The following PLXNC1 variants were observed in gnomAD, a reference collection of about 807,000 sequenced individuals.
PLXNC1 encodes plexin C1.
A neutral mutation model predicts 178.2 loss-of-function variants in PLXNC1; 75 were observed. The observed-to-expected ratio is 0.42, with a 90% CI of 0.35 to 0.51. The LOEUF (loss-of-function observed/expected upper bound fraction) is 0.51, where lower values mean the gene tolerates loss of function less well. Among genes scored for constraint, PLXNC1 ranks in the 20% least tolerant of loss-of-function variants. PLXNC1 has a pLI of 0.02. For synonymous variants in PLXNC1, 790 were observed against 779.9 expected, an observed-to-expected ratio of 1.01 and a Z score of -0.22; for missense variants, 1,503 against 1,984.4, an observed-to-expected ratio of 0.76 and a Z score of 4.61.
At chr12:94,259,494 C>G (rs1964938079) in intron 18 of PLXNC1, 116 bp from the exon 19 acceptor site, 6 of 1,161,046 alleles carry the variant, frequency 5.2e-6, no homozygotes, top group Non-Finnish European at 7.3e-6. Context: ...TTTTTTGGAT[C>G]ATGAATTCAA....
At position 94,305,303 on chromosome 12, in the gene PLXNC1, T is replaced by C. The variant is rs770384963; in HGVS notation, c.*18T>C. ...GGATGTAAGCACTCTGGGGCCTGGCTTAATCTGGCAAAGTTCTTCAGACGA... is the reference window on the plus strand; with the variant it reads ...GGATGTAAGCACTCTGGGGCCTGGCCTAATCTGGCAAAGTTCTTCAGACGA... On this transcript the variant is annotated 3_prime_UTR_variant, in exon 31 of 31. Transcript: ENST00000258526. 9 of 1,506,064 alleles carry C rather than the reference T, an allele frequency of 6.0e-6. No individual in the cohort carries two copies. In the East Asian group the frequency reaches 1.8e-4, roughly 31 times the overall value. 93.3% of individuals were successfully genotyped at this position (1,506,064 alleles called of 1,614,324 possible). A position where few individuals can be genotyped will look rare whatever the true frequency, so the allele number is the denominator to read the frequency against.
At chr12:94,184,556 G>A (rs1446835540) in intron 3 of PLXNC1, among the ~76,000 whole-genome samples, 3 of 151,940 alleles carry the variant, frequency 2.0e-5, no homozygotes, top group African/African-American at 7.3e-5. Context: ...CTGACTAGCT[G>A]GGATTACAGA....
In PLXNC1 at chr12:94,149,159, G is replaced by A. The variant is rs774122330; in HGVS notation, c.188G>A (p.Ser63Asn). 1.3e-6 allele frequency: 2 copies of A among 1,591,296 alleles called. No homozygotes were observed. Among genetic ancestry groups the A allele is most frequent in the East Asian group, 2.3e-5 (1 of 42,660 alleles). ...QEDGVFVASG[S>N]CLDQLDYSLE... Reference sequence around the variant, plus strand: ...GACGGCGTGTTTGTGGCGAGCGGCAGCTGCCTGGACCAGCTGGACTACAGC... The same window carrying A: ...GACGGCGTGTTTGTGGCGAGCGGCAACTGCCTGGACCAGCTGGACTACAGC... Residue 63 changes from serine to asparagine, a missense_variant, in exon 1 of 31, where the codon AGC becomes AAC. Ser to Asn is a conservative substitution (Grantham distance 46). This residue lies in a region of PLXNC1 where 176 missense variants were observed against 180.7 expected (regional missense o/e 0.97). Transcript: ENST00000258526.
chr12:94,259,398 T>G (rs1294859477), intron 18 of PLXNC1, 23 bp downstream of exon 18: 2 of 1,569,386 alleles, frequency 1.3e-6, no homozygotes, highest in Non-Finnish European at 1.7e-6. Flanking sequence ...GTTTTCATTT[T>G]TAGCCCAGTG....
rs1234986772 is a variant in PLXNC1, at chr12:94,149,334, G to T, written c.363G>T (p.Gly121=). 1 of 1,439,870 alleles carries T rather than the reference G, an allele frequency of 6.9e-7. No individual in the cohort carries two copies. Among genetic ancestry groups the T allele is most frequent in the South Asian group, 1.4e-5 (1 of 69,396 alleles). 89.2% of individuals were successfully genotyped at this position (1,439,870 alleles called of 1,614,324 possible). A position where few individuals can be genotyped will look rare whatever the true frequency, so the allele number is the denominator to read the frequency against. ...PYREGAAGLG[G]LLLTGWTFDR... ...GCGAGGGGGCGGCCGGCCTCGGGGGGCTGCTGCTCACCGGCTGGACCTTCG... is the reference window on the plus strand; with the variant it reads ...GCGAGGGGGCGGCCGGCCTCGGGGGTCTGCTGCTCACCGGCTGGACCTTCG... The change falls in exon 1 of 31, where the codon GGG becomes GGT. Residue 121 remains glycine, a synonymous_variant. Coordinates refer to ENST00000258526, the MANE Select transcript of PLXNC1 (RefSeq NM_005761.3).
At chr12:94,262,820 T>G in intron 20 of PLXNC1, 1 of 964,722 alleles carries the variant, frequency 1.0e-6, no homozygotes, top group Non-Finnish European at 1.2e-6. Context: ...ATACCATTTA[T>G]TGAATGTGCC....
In PLXNC1 at chr12:94,226,596, T is replaced by C; in HGVS notation, c.1791-9T>C. The C allele has an allele frequency of 6.3e-7, 1 of 1,599,612 alleles. No homozygotes were observed. Among genetic ancestry groups the C allele is most frequent in the Non-Finnish European group, 8.6e-7 (1 of 1,166,962 alleles). ...ACGCAGGAATTAAGTCAGTTTTCTG[T>C]GTTGCTAGATGCCCAGCATGCGTAG... On this transcript the variant is annotated splice_polypyrimidine_tract_variant and intron_variant, in intron 7 of 30. Coordinates refer to ENST00000258526, the MANE Select transcript of PLXNC1 (RefSeq NM_005761.3).
chr12:94,244,572 C>T (rs775485600), intron 12 of PLXNC1, among the ~76,000 whole-genome samples: 1 of 152,196 alleles, frequency 6.6e-6, no homozygotes, highest in South Asian at 2.1e-4. Flanking sequence ...GTCTGGTTTC[C>T]ACCTTTGCCC....
At chr12:94,293,047 T>G (rs1325021565) in intron 23 of PLXNC1, among the ~76,000 whole-genome samples, 1 of 152,226 alleles carries the variant, frequency 6.6e-6, no homozygotes, top group East Asian at 1.9e-4. Flanking sequence ...TTTGACTGTT[T>G]GGGCTTTTTC....
intron 24 of PLXNC1, among the ~76,000 whole-genome samples, chr12:94,295,080 G>A (rs1967766041): frequency 6.6e-6 from 1 of 152,174 alleles, no homozygotes; most frequent in Non-Finnish European, 1.5e-5. Flanking sequence ...GATAGCCCTG[G>A]GGCAGGAAAT....
intron 21 of PLXNC1, chr12:94,278,276 G>A (rs1592888327): frequency 2.9e-6 from 1 of 349,728 alleles, no homozygotes; most frequent in Non-Finnish European, 5.7e-6. Flanking sequence ...TTACCAAGGT[G>A]CATTAGAATC....
intron 9 of PLXNC1, among the ~76,000 whole-genome samples, chr12:94,233,403 A>G (rs1232366943): frequency 1.3e-5 from 2 of 152,178 alleles, no homozygotes; most frequent in Non-Finnish European, 1.5e-5. Flanking sequence ...AGTTTTGGTC[A>G]CCCAGTCCAG....
rs1302300048 is a variant in PLXNC1 at position 94,306,837 on chromosome 12, T to G, written c.*1552T>G. 6.6e-6 allele frequency: 1 copy of G among 152,194 alleles called. No individual in the cohort carries two copies. Among genetic ancestry groups the G allele is most frequent in the Non-Finnish European group, 1.5e-5 (1 of 68,034 alleles). 9.4% of individuals were successfully genotyped at this position (152,194 alleles called of 1,614,324 possible). On this transcript the variant is annotated 3_prime_UTR_variant, in exon 31 of 31. Transcript: ENST00000258526. ...AGCAGTTACTACCCTGATAGGCACC[T>G]TCCCAATCCTGTTGCTTTTGACCAT... is the stretch of plus-strand genomic sequence containing the variant.
rs1169779149 is a variant in PLXNC1, at chr12:94,148,989, G to C, written c.18G>C (p.Arg6Ser). ...CCAGCCCCATGGAGGTCTCCCGGAG[G>C]AAGGCGCCGCCGCGCCCCCCGCGCC... MEVSRRKAPPRPPRPA... is the reference protein window; with the variant it reads MEVSRSKAPPRPPRPA... The change falls in exon 1 of 31, where the codon AGG (arginine) becomes AGC (serine). Residue 6 changes from arginine (R) to serine (S), a missense_variant. By Grantham distance (110) the Arg-to-Ser change is moderately radical. Around this residue, in one of 4 missense-constraint regions of PLXNC1, gnomAD observed 176 missense variants for 180.7 expected, o/e 0.97. Coordinates refer to ENST00000258526, the MANE Select transcript of PLXNC1 (RefSeq NM_005761.3). This position sits in a 1 kb window ranked among gnomAD's most constrained non-coding sequence, Gnocchi z 4.8. 6.9e-7 allele frequency: 1 copy of C among 1,443,102 alleles called. No homozygotes were observed. Among genetic ancestry groups the C allele is most frequent in the Admixed American group, 2.6e-5 (1 of 38,458 alleles). 89.4% of individuals were successfully genotyped at this position (1,443,102 alleles called of 1,614,324 possible).
chr12:94,272,300 C>T (rs1965620396), intron 21 of PLXNC1: 1 of 152,260 alleles, frequency 6.6e-6, no homozygotes, highest in African/African-American at 2.4e-5. Context: ...AGAGCAGCTG[C>T]TCCTCTCTTG....
intron 4 of PLXNC1, among the ~76,000 whole-genome samples, chr12:94,187,189 AG>A (rs766973779): frequency 1.7e-4 from 15 of 88,130 alleles, no homozygotes; most frequent in East Asian, 3.6e-4. Flanking sequence ...AGAGAGAGAG[AG>A]AGAAAAAAAA....
At chr12:94,206,604 T>G (rs1190023316) in intron 4 of PLXNC1, among the ~76,000 whole-genome samples, 1 of 152,108 alleles carries the variant, frequency 6.6e-6, no homozygotes, top group Non-Finnish European at 1.5e-5. Context: ...GTATTAGCTC[T>G]AAGTGGAAAT....
intron 4 of PLXNC1, among the ~76,000 whole-genome samples, chr12:94,190,595 G>A (rs1400047473): frequency 1.3e-5 from 2 of 152,126 alleles, no homozygotes; most frequent in Non-Finnish European, 2.9e-5. Context: ...GCTCCAAGAA[G>A]AGTGATTCAT....
At chr12:94,207,087 G>GT (rs1963322889) in intron 4 of PLXNC1, among the ~76,000 whole-genome samples, 1 of 152,242 alleles carries the variant, frequency 6.6e-6, no homozygotes, top group African/African-American at 2.4e-5. Flanking sequence ...ATAATCTGCA[G>GT]TATTTGAGAA....
Sources: allele counts gnomAD v4.1 joint callset (sites outside exome capture counted in the v4.1 genomes callset), GRCh38; gene constraint gnomAD v4.1.1; regional missense constraint gnomAD v4.1.1; non-coding constraint Gnocchi (gnomAD v3.1); transcripts MANE v1.5; gene names NCBI Gene and HGNC (gene_info 2026-07-23, HGNC 2026-07-21).